LGR4: variants seen among roughly 807,000 people sequenced by gnomAD.
LGR4 encodes the protein leucine-rich repeat-containing G protein-coupled receptor 4.
LGR4 carries 44 observed loss-of-function variants against 84.8 expected under a neutral mutation model. The observed-to-expected ratio is 0.52, with a 90% CI of 0.41 to 0.67. The LOEUF (loss-of-function observed/expected upper bound fraction) is 0.67, where lower values mean the gene tolerates loss of function less well. Among genes scored for constraint, LGR4 ranks in the 30% least tolerant of loss-of-function variants. LGR4 has a pLI of 0.00. For synonymous variants in LGR4, 429 were observed against 434.3 expected (o/e 0.99, Z 0.15); for missense variants, 1,032 against 1,131.4 (o/e 0.91, Z 1.26).
intron 6 of LGR4, among the ~76,000 whole-genome samples, chr11:27,383,947 C>T (rs543242066): frequency 3.9e-5 from 6 of 152,222 alleles, no homozygotes; most frequent in Admixed American, 1.3e-4. Context: ...ATATAGTATT[C>T]AAACCCAGTG....
intron 17 of LGR4, among the ~76,000 whole-genome samples, chr11:27,369,920 C>T (rs999087887): frequency 1.4e-4 from 22 of 152,276 alleles, no homozygotes; most frequent in Admixed American, 3.9e-4. Context: ...GACTACACCT[C>T]GGTGATGTTA....
intron 1 of LGR4, among the ~76,000 whole-genome samples, chr11:27,466,074 C>T (rs1331593445): frequency 6.6e-6 from 1 of 152,176 alleles, no homozygotes. Flanking sequence ...TAACATATTT[C>T]TCACTCCAAA....
At chr11:27,449,129 A>G (rs958791756) in intron 1 of LGR4, among the ~76,000 whole-genome samples, 11 of 152,336 alleles carry the variant, frequency 7.2e-5, no homozygotes, top group African/African-American at 2.6e-4. Flanking sequence ...CATGCTGCCC[A>G]TCATCAACAC....
At chr11:27,469,181 C>T (rs932386549) in intron 1 of LGR4, among the ~76,000 whole-genome samples, 4 of 152,128 alleles carry the variant, frequency 2.6e-5, no homozygotes, top group Non-Finnish European at 5.9e-5. Context: ...GGTGTGAATA[C>T]AGGAATCCCA....
intron 1 of LGR4, among the ~76,000 whole-genome samples, chr11:27,425,450 T>C (rs1430687816): frequency 6.6e-6 from 1 of 151,798 alleles, no homozygotes; most frequent in African/African-American, 2.4e-5. Flanking sequence ...CCCACCTCAG[T>C]CTCCTCAGTA....
At chr11:27,460,299 G>A (rs12271369) in intron 1 of LGR4, among the ~76,000 whole-genome samples, 1 of 152,140 alleles carries the variant, frequency 6.6e-6, no homozygotes, top group Non-Finnish European at 1.5e-5. Context: ...CATTGCAGCA[G>A]TGTTTGGCTA....
intron 2 of LGR4, among the ~76,000 whole-genome samples, chr11:27,410,927 TTGG>T (rs1294919371): frequency 2.6e-5 from 4 of 152,136 alleles, no homozygotes; most frequent in Non-Finnish European, 4.4e-5. Context: ...TGGCATATGG[TTGG>T]TCATTTGAGA....
chr11:27,368,385 CG>C lies in LGR4; in HGVS notation c.2337del (p.Glu780LysfsTer2). On this transcript the variant is annotated frameshift_variant, in exon 18 of 18. Transcript: ENST00000379214. LOFTEE classifies it high-confidence loss of function. Reference protein sequence around the residue: ...APLITAISISPEIMKSVTLIF... With the variant: ...APLITAISISXEIMKSVTLIF... ...ATCAGAGTAACAGACTTCATTATTT[CG>C]GGGCTGATAGAGATTGCAGTGATCA... is the stretch of plus-strand genomic sequence containing the variant. 6.2e-7 allele frequency: 1 copy of C among 1,613,580 alleles called. No homozygotes were observed. Among genetic ancestry groups the C allele is most frequent in the Non-Finnish European group, 8.5e-7 (1 of 1,179,908 alleles).
intron 1 of LGR4, among the ~76,000 whole-genome samples, chr11:27,449,639 A>AG (rs775105130): frequency 9.3e-4 from 141 of 152,074 alleles, no homozygotes; most frequent in Non-Finnish European, 1.5e-3. Context: ...GAAAAAAAAA[A>AG]GAAGAAGACC....
At position 27,435,598 on chromosome 11, in the gene LGR4, C is replaced by G. The variant is rs564080520; in HGVS notation, c.186-22738G>C. Among the ~76,000 whole-genome samples the G allele has an allele frequency of 1.9e-4, 29 of 151,478 alleles. 1 individual carries two copies. The South Asian group carries it at 5.9e-3, about 31-fold the overall frequency. ...CGCCTCCTGGGTTCAAGCTATTCTC[C>G]TGCCTCAGCCTCCCAAGTAGCTGGG... On this transcript the variant is annotated intron_variant, in intron 1 of 17. Transcript: ENST00000379214.
chr11:27,434,549 C>CA, intron 1 of LGR4, among the ~76,000 whole-genome samples: 1 of 152,204 alleles, frequency 6.6e-6, no homozygotes. Flanking sequence ...CAAAAAATAA[C>CA]AAAAAAGATT....
At chr11:27,426,858 T>C (rs975829927) in intron 1 of LGR4, among the ~76,000 whole-genome samples, 1 of 152,314 alleles carries the variant, frequency 6.6e-6, no homozygotes, top group Non-Finnish European at 1.5e-5. Flanking sequence ...AGCTGGATTG[T>C]GTTGCAGTGA....
In LGR4 at chr11:27,367,067, C is replaced by T. The variant is rs1862777866; in HGVS notation, c.*800G>A. The T allele has an allele frequency of 6.6e-6, 1 of 152,174 alleles. No individual in the cohort carries two copies. The highest frequency in any genetic ancestry group is 1.5e-5 in the Non-Finnish European group (1 of 68,018). The allele number at this position is 152,174 out of a possible 1,614,324, so 9.4% of individuals were successfully genotyped here. On this transcript the variant is annotated 3_prime_UTR_variant, in exon 18 of 18. Coordinates refer to ENST00000379214, the MANE Select transcript of LGR4 (RefSeq NM_018490.5). ...ATGAAGCCACCAAATCCCTCAGATA[C>T]TATTAAACCCCCACATTAGTTAGTA... is the stretch of plus-strand genomic sequence containing the variant.
At chr11:27,459,014 A>G (rs1337141605) in intron 1 of LGR4, among the ~76,000 whole-genome samples, 3 of 152,230 alleles carry the variant, frequency 2.0e-5, no homozygotes, top group Non-Finnish European at 2.9e-5. Flanking sequence ...TTAACCTTAA[A>G]TGAGCCAATA....
chr11:27,369,184 C>A (rs1184880549), intron 17 of LGR4, 41 bp from the exon 18 acceptor site: 23 of 1,451,028 alleles, frequency 1.6e-5, no homozygotes, highest in Non-Finnish European at 2.0e-5. Flanking sequence ...TAAAAGATAA[C>A]TTAGAAAACA....
chr11:27,456,159 G>A (rs1294508187), intron 1 of LGR4, among the ~76,000 whole-genome samples: 2 of 152,166 alleles, frequency 1.3e-5, no homozygotes, highest in Non-Finnish European at 2.9e-5. Flanking sequence ...TTTAGCATGA[G>A]GCTGGCTATC....
At chr11:27,405,720 ATTCTC>A (rs1480907840) in intron 2 of LGR4, among the ~76,000 whole-genome samples, 1 of 152,146 alleles carries the variant, frequency 6.6e-6, no homozygotes, top group Non-Finnish European at 1.5e-5. Flanking sequence ...CAGCCAAGAC[ATTCTC>A]TTGATTCTAT....
intron 1 of LGR4, among the ~76,000 whole-genome samples, chr11:27,452,250 T>A (rs2133444890): frequency 6.6e-6 from 1 of 152,298 alleles, no homozygotes; most frequent in South Asian, 2.1e-4. Flanking sequence ...TGTTTGTTGT[T>A]GTTATTTTAA....
rs1191849467 is a variant in LGR4, at chr11:27,373,963, T to C, written c.1253+12A>G. 8.3e-6 allele frequency: 13 copies of C among 1,570,426 alleles called. No individual in the cohort carries two copies. The highest frequency in any genetic ancestry group is 7.9e-6 in the Non-Finnish European group (9 of 1,140,442). ...CTACTTTCATGACATTACTGCATAA[T>C]CATCCACTTACAGGTTAGTTATTGG... On this transcript the variant is annotated intron_variant, in intron 14 of 17. Coordinates refer to ENST00000379214, the MANE Select transcript of LGR4 (RefSeq NM_018490.5).
Sources: gnomAD v4.1 joint callset for allele counts (sites outside exome capture counted in the v4.1 genomes callset) on GRCh38, gnomAD v4.1.1 for gene constraint, MANE v1.5 for transcripts, NCBI Gene and HGNC (gene_info 2026-07-23, HGNC 2026-07-21) for gene names.